Variants in DPP6 observed in about 807,000 individuals in gnomAD.
DPP6 encodes A-type potassium channel modulatory protein DPP6.
Under a neutral mutation model 122.6 loss-of-function variants are expected in DPP6, and 69 were observed. That is an observed-to-expected ratio of 0.56 (90% CI 0.46 to 0.69). The LOEUF (loss-of-function observed/expected upper bound fraction) is 0.69, where lower values mean the gene tolerates loss of function less well. DPP6 is among the 30% of genes least tolerant of loss of function. DPP6 has a pLI of 0.00. For missense variants in DPP6, 928 were observed against 1,116.9 expected, an observed-to-expected ratio of 0.83 and a Z score of 2.41; for synonymous variants, 418 against 433.1, an observed-to-expected ratio of 0.97 and a Z score of 0.43.
At chr7:153,799,142 G>A in the DPP6 span, among the ~76,000 whole-genome samples, 1 of 152,182 alleles carries the variant, frequency 6.6e-6, no homozygotes, top group Non-Finnish European at 1.5e-5. Flanking sequence ...CAGACTGATA[G>A]CTACTGGTAG....
chr7:153,771,668 G>C, the DPP6 span, among the ~76,000 whole-genome samples: 1 of 152,070 alleles, frequency 6.6e-6, no homozygotes, highest in Non-Finnish European at 1.5e-5. Flanking sequence ...TGAAAGGCTG[G>C]AAAGAAAAGA....
the DPP6 span, among the ~76,000 whole-genome samples, chr7:153,826,126 T>C: frequency 3.9e-5 from 6 of 152,358 alleles, no homozygotes; most frequent in South Asian, 6.2e-4. Flanking sequence ...AAAGTGCTTT[T>C]AATACCACTG....
intron 4 of DPP6, among the ~76,000 whole-genome samples, chr7:154,544,005 A>AT (rs1319716179): frequency 1.9e-4 from 29 of 149,604 alleles, no homozygotes; most frequent in African/African-American, 6.9e-4. Flanking sequence ...AAAAAAAAAA[A>AT]AAAAAAAAGA....
chr7:154,445,353 C>T (rs7782812), intron 1 of DPP6, among the ~76,000 whole-genome samples: 29,148 of 152,078 alleles, frequency 0.19, 3,954 homozygotes, highest in African/African-American at 0.39. Flanking sequence ...TACTTATTAT[C>T]AAGCATTCAT....
At chr7:154,125,230 T>G (rs1206462213) in intron 1 of DPP6, among the ~76,000 whole-genome samples, 1 of 152,150 alleles carries the variant, frequency 6.6e-6, no homozygotes, top group Non-Finnish European at 1.5e-5. Context: ...CTCAGAAACC[T>G]TTCTGCAAAG....
chr7:154,818,716 A>G (rs191393029), intron 16 of DPP6, among the ~76,000 whole-genome samples: 2 of 152,310 alleles, frequency 1.3e-5, no homozygotes, highest in African/African-American at 2.4e-5. Context: ...AATTTATCCA[A>G]GTGAATGTTT....
chr7:154,629,372 C>G, intron 5 of DPP6, among the ~76,000 whole-genome samples: 1 of 152,080 alleles, frequency 6.6e-6, no homozygotes, highest in Non-Finnish European at 1.5e-5. Context: ...CTTCTCACCC[C>G]TGACATCTCA....
chr7:154,094,395 G>C (rs1421265875), intron 1 of DPP6: 3 of 152,422 alleles, frequency 2.0e-5, no homozygotes, highest in Admixed American at 6.5e-5. Context: ...GTGTGATTTG[G>C]TGTGGTGTGA....
At chr7:154,776,042 C>G (rs952763066) in intron 10 of DPP6, among the ~76,000 whole-genome samples, 11 of 151,958 alleles carry the variant, frequency 7.2e-5, no homozygotes, top group African/African-American at 2.7e-4. Context: ...ACTGCCCCCT[C>G]CTGCCCCACC....
At chr7:154,207,732 T>C (rs1461358284) in intron 1 of DPP6, among the ~76,000 whole-genome samples, 2 of 152,226 alleles carry the variant, frequency 1.3e-5, no homozygotes, top group Non-Finnish European at 2.9e-5. Flanking sequence ...TACTATCTTT[T>C]TATAAATGAA....
At chr7:154,374,617 T>TTTC (rs1423445681) in intron 1 of DPP6, among the ~76,000 whole-genome samples, 1 of 151,740 alleles carries the variant, frequency 6.6e-6, no homozygotes, top group Non-Finnish European at 1.5e-5. Context: ...TTTTCTTTTT[T>TTTC]TCTTTTTTTT....
intron 8 of DPP6, among the ~76,000 whole-genome samples, chr7:154,733,944 CT>C (rs1842457789): frequency 6.6e-6 from 1 of 152,184 alleles, no homozygotes; most frequent in African/African-American, 2.4e-5. Flanking sequence ...CTTTGTGTGC[CT>C]TGTGTCACGC....
chr7:153,838,067 A>G, the DPP6 span, among the ~76,000 whole-genome samples: 1 of 152,042 alleles, frequency 6.6e-6, no homozygotes, highest in African/African-American at 2.4e-5. Context: ...AAAGGCAAGT[A>G]CAATCATGAA....
intron 10 of DPP6, among the ~76,000 whole-genome samples, chr7:154,779,321 TCCA>T (rs929820452): frequency 8.9e-5 from 11 of 124,194 alleles, no homozygotes; most frequent in Middle Eastern, 4.8e-3. Context: ...CACCATCGCC[TCCA>T]CCACCACCAC....
chr7:154,249,986 C>T (rs1435092822), intron 1 of DPP6, among the ~76,000 whole-genome samples: 2 of 152,122 alleles, frequency 1.3e-5, no homozygotes, highest in Non-Finnish European at 2.9e-5. Flanking sequence ...AAAATCAACC[C>T]CTGACCTAAT....
At chr7:154,849,447 GT>G (rs1389027368) in intron 16 of DPP6, among the ~76,000 whole-genome samples, 5 of 152,082 alleles carry the variant, frequency 3.3e-5, no homozygotes, top group Non-Finnish European at 7.4e-5. Flanking sequence ...AAATGGGATT[GT>G]TTCCTTAATT....
intron 1 of DPP6, among the ~76,000 whole-genome samples, chr7:153,981,310 T>G (rs1796572673): frequency 6.6e-6 from 1 of 152,224 alleles, no homozygotes; most frequent in South Asian, 2.1e-4. Context: ...ATGCCCTTCC[T>G]TGTCTTTTTT....
At chr7:154,689,898 CATGCATTT>C (rs1839841205) in intron 7 of DPP6, among the ~76,000 whole-genome samples, 6 of 152,176 alleles carry the variant, frequency 3.9e-5, no homozygotes, top group Admixed American at 3.9e-4. Context: ...CTTAATTTCC[CATGCATTT>C]TCTTTATTTG....
At chr7:154,625,595 T>TC (rs2130873476) in intron 5 of DPP6, among the ~76,000 whole-genome samples, 1 of 152,146 alleles carries the variant, frequency 6.6e-6, no homozygotes, top group African/African-American at 2.4e-5. Flanking sequence ...CACCATCTCT[T>TC]TGTCTGTTTT....
Sources: allele counts gnomAD v4.1 joint callset (sites outside exome capture counted in the v4.1 genomes callset), GRCh38; gene constraint gnomAD v4.1.1; transcripts MANE v1.5; gene names NCBI Gene and HGNC (gene_info 2026-07-23, HGNC 2026-07-21).